Variants in WDR72 observed in about 807,000 individuals in gnomAD.
The protein encoded by WDR72 is WD repeat domain 72, also known as WD repeat-containing protein 72.
Under a neutral mutation model 124.2 loss-of-function variants are expected in WDR72, and 120 were observed. That is an observed-to-expected ratio of 0.97 (90% CI 0.83 to 1.12). The LOEUF (loss-of-function observed/expected upper bound fraction) is 1.12. WDR72 is among the 50% of genes most tolerant of loss of function. The probability of loss-of-function intolerance (pLI) is 0.00; values close to 1 mark genes in which losing one functional copy is unlikely to be tolerated. For missense variants in WDR72, 1,387 were observed against 1,278.8 expected, an observed-to-expected ratio of 1.08 and a Z score of -1.29; for synonymous variants, 452 against 441.7, an observed-to-expected ratio of 1.02 and a Z score of -0.29.
intron 18 of WDR72, among the ~76,000 whole-genome samples, chr15:53,530,713 A>G (rs751603122): frequency 6.6e-6 from 1 of 152,108 alleles, no homozygotes; most frequent in Non-Finnish European, 1.5e-5. Flanking sequence ...AAAGAGCATC[A>G]TGCTAGCATT....
intron 18 of WDR72, among the ~76,000 whole-genome samples, chr15:53,563,233 C>G (rs1227022368): frequency 6.6e-6 from 1 of 151,578 alleles, no homozygotes; most frequent in Non-Finnish European, 1.5e-5. Flanking sequence ...AAGACACATC[C>G]TTAGAACTTT....
intron 18 of WDR72, among the ~76,000 whole-genome samples, chr15:53,527,334 G>A (rs182108679): frequency 2.2e-3 from 334 of 152,096 alleles, no homozygotes; most frequent in Non-Finnish European, 4.1e-3. Context: ...CTTGCAGAAA[G>A]ATGGTATTAG....
At chr15:53,578,547 G>T (rs558024210) in intron 18 of WDR72, among the ~76,000 whole-genome samples, 1 of 152,038 alleles carries the variant, frequency 6.6e-6, no homozygotes, top group African/African-American at 2.4e-5. Flanking sequence ...GGCAGTAATC[G>T]GTCCTTTGGA....
chr15:53,616,274 T>C, intron 14 of WDR72, 31 bp from the exon 15 acceptor site: 1 of 1,547,046 alleles, frequency 6.5e-7, no homozygotes, highest in East Asian at 2.3e-5. Context: ...TGTGTCAAAG[T>C]TCTTGCTTAT....
intron 15 of WDR72, 98 bp downstream of exon 15, chr15:53,615,328 A>G: frequency 1.0e-6 from 1 of 980,472 alleles, no homozygotes; most frequent in Non-Finnish European, 1.5e-6. Flanking sequence ...CCCCACTGGA[A>G]AGAAGGAAGG....
chr15:53,596,972 G>A lies in WDR72; in HGVS notation c.3148+107C>T, dbSNP rs190288453. 1.3e-5 allele frequency: 14 copies of A among 1,068,608 alleles called. No individual in the cohort carries two copies. The African/African-American group carries it at 1.7e-4, about 13-fold the overall frequency. The allele number at this position is 1,068,608 out of a possible 1,614,324, so 66.2% of individuals were successfully genotyped here. A position where few individuals can be genotyped will look rare whatever the true frequency, so the allele number is the denominator to read the frequency against. ...AGACTAGTGAATGTCTATCACTTGT[G>A]CACCATGATATAATCGAAAATCGTT... is the stretch of plus-strand genomic sequence containing the variant. On this transcript the variant is annotated intron_variant, in intron 18 of 19. Transcript: ENST00000360509.
chr15:53,538,411 GTC>G (rs1357225962), intron 18 of WDR72, among the ~76,000 whole-genome samples: 1 of 152,146 alleles, frequency 6.6e-6, no homozygotes, highest in Non-Finnish European at 1.5e-5. Flanking sequence ...GAAACTGAAA[GTC>G]TAATGAAGCT....
intron 1 of WDR72, among the ~76,000 whole-genome samples, chr15:53,739,519 A>T (rs2018450285): frequency 6.6e-6 from 1 of 152,212 alleles, no homozygotes; most frequent in Admixed American, 6.5e-5. Flanking sequence ...AGTTAAATAG[A>T]TAGTAAGTTT....
At chr15:53,567,557 C>A (rs1274463474) in intron 18 of WDR72, among the ~76,000 whole-genome samples, 19 of 152,020 alleles carry the variant, frequency 1.2e-4, no homozygotes, top group Admixed American at 1.2e-3. Flanking sequence ...AGAGATGAGA[C>A]TGATCTTATT....
intron 13 of WDR72, among the ~76,000 whole-genome samples, chr15:53,679,262 C>A (rs2016294039): frequency 6.6e-6 from 1 of 152,184 alleles, no homozygotes; most frequent in Admixed American, 6.6e-5. Flanking sequence ...ACAATGTGAG[C>A]ATACTTAATG....
intron 12 of WDR72, among the ~76,000 whole-genome samples, chr15:53,701,804 T>C (rs111511441): frequency 6.6e-5 from 10 of 152,104 alleles, no homozygotes; most frequent in Non-Finnish European, 1.5e-4. Context: ...AAAAAAAAGA[T>C]AATTCCATTA....
intron 11 of WDR72, among the ~76,000 whole-genome samples, 173 bp downstream of exon 11, chr15:53,704,815 T>TAAA (rs2017296575): frequency 2.0e-4 from 10 of 50,752 alleles, no homozygotes; most frequent in South Asian, 7.2e-4. Context: ...TACAGGGAGT[T>TAAA]TAAAAAAAAA....
In WDR72 at chr15:53,706,348, GTGTATATATATATATA is replaced by G. The variant is rs1184130216; in HGVS notation, c.955-290_955-275del. On this transcript the variant is annotated intron_variant, in intron 9 of 19. Coordinates refer to ENST00000360509, the MANE Select transcript of WDR72 (RefSeq NM_182758.4). The stretch of plus-strand genomic sequence containing the variant: ...TATATGTGCGTGTGTGTGTGTGTGT[GTGTATATATATATATA>G]TATATATATATATATATATATATAT... Among the ~76,000 whole-genome samples the G allele has an allele frequency of 6.4e-4, 37 of 57,382 alleles. 1 individual carries two copies. The highest frequency in any genetic ancestry group is 3.3e-3 in the East Asian group (5 of 1,530). 37.6% of individuals were successfully genotyped at this position (57,382 alleles called of 152,430 possible). A position where few individuals can be genotyped will look rare whatever the true frequency, so the allele number is the denominator to read the frequency against.
rs577572094 is a variant in WDR72, at chr15:53,669,095, G to T, written c.1766-3327C>A. On this transcript the variant is annotated intron_variant, in intron 13 of 19. Transcript: ENST00000360509. ...AAAGGGCTTTCTTTTCTTGGTTCTC[G>T]TGTACTTTTCTTGGAGTAGTATTAG... 4.6e-5 allele frequency among the ~76,000 whole-genome samples: 7 copies of T among 152,060 alleles called. No individual in the cohort carries two copies. In the East Asian group the frequency reaches 1.2e-3, roughly 25 times the overall value.
chr15:53,599,091 T>A (rs2140342414), intron 17 of WDR72, among the ~76,000 whole-genome samples: 1 of 152,054 alleles, frequency 6.6e-6, no homozygotes, highest in Non-Finnish European at 1.5e-5. Context: ...ACCCCTGCAC[T>A]CCGGCCTGGA....
At position 53,702,261 on chromosome 15, in the gene WDR72, C is replaced by G. The variant is rs774567575; in HGVS notation, c.1442G>C (p.Trp481Ser). The change falls in exon 12 of 20, where the codon TGG becomes TCG. Residue 481 changes from tryptophan (W) to serine (S), a missense_variant. By Grantham distance (177) the Trp-to-Ser change is radical (BLOSUM62 -3). Coordinates refer to ENST00000360509, the MANE Select transcript of WDR72 (RefSeq NM_182758.4). ...TGAGTCCAGGTCCCCAGACAACATC[C>G]AACTTTGGTCTAATTTCGAAGAGAG... ...HGLSSKLDQS[W>S]MLSGDLDSCV... 9 of 1,614,098 alleles carry G rather than the reference C, an allele frequency of 5.6e-6. No homozygotes were observed. The highest frequency in any genetic ancestry group is 7.6e-6 in the Non-Finnish European group (9 of 1,179,998).
intron 14 of WDR72, among the ~76,000 whole-genome samples, chr15:53,622,175 T>C (rs1213460242): frequency 2.6e-5 from 4 of 152,130 alleles, no homozygotes; most frequent in Non-Finnish European, 5.9e-5. Flanking sequence ...ACACTATTGG[T>C]GGACATGTAA....
At chr15:53,713,192 G>GA (rs34671677) in intron 6 of WDR72, among the ~76,000 whole-genome samples, 88,167 of 133,652 alleles carry the variant, frequency 0.66, 28,746 homozygotes, top group Middle Eastern at 0.79. Context: ...TGTATTTCTT[G>GA]AAAAAAAAAA....
chr15:53,616,183 T>G lies in WDR72; in HGVS notation c.2023A>C (p.Ser675Arg). 6.2e-7 allele frequency: 1 copy of G among 1,606,850 alleles called. No homozygotes were observed. Among genetic ancestry groups the G allele is most frequent in the East Asian group, 2.2e-5 (1 of 44,846 alleles). ...FNVLPVKTKW[S>R]NVGFHILLFD... ...AGAAGAATATGAAAGCCAACGTTAC[T>G]CCATTTTGTCTTCACAGGCAAGACA... The change falls in exon 15 of 20, where the codon AGT (serine) becomes CGT (arginine). Residue 675 changes from serine (S) to arginine (R), a missense_variant. Physicochemically the swap from Ser to Arg is moderately radical, Grantham distance 110. Coordinates refer to ENST00000360509, the MANE Select transcript of WDR72 (RefSeq NM_182758.4).
Sources: allele counts gnomAD v4.1 joint callset (sites outside exome capture counted in the v4.1 genomes callset), GRCh38; gene constraint gnomAD v4.1.1; transcripts MANE v1.5; gene names NCBI Gene and HGNC (gene_info 2026-07-23, HGNC 2026-07-21).